The following GPM6B variants were observed in gnomAD, a reference collection of about 807,000 sequenced individuals.
The protein encoded by GPM6B is glycoprotein M6B.
Under a neutral mutation model 27.2 loss-of-function variants are expected in GPM6B, and 4 were observed. That is an observed-to-expected ratio of 0.15 (90% confidence interval 0.07 to 0.34). The LOEUF (loss-of-function observed/expected upper bound fraction) is 0.34, where lower values mean the gene tolerates loss of function less well. GPM6B is among the 10% of genes least tolerant of loss of function. GPM6B has a pLI of 1.00. For synonymous variants in GPM6B, 124 were observed against 103.1 expected (o/e 1.20, Z -1.23); for missense variants, 183 against 261.9 (o/e 0.70, Z 2.08).
At chrX:13,860,560 C>G (rs886299034) in intron 1 of GPM6B, among the ~76,000 whole-genome samples, 1 of 109,308 alleles carries the variant, frequency 9.1e-6, no homozygotes, top group Admixed American at 9.8e-5. Context: ...TACCAGGTAA[C>G]CATTTTTGGC....
intron 1 of GPM6B, among the ~76,000 whole-genome samples, chrX:13,849,973 C>T (rs759723672): frequency 9.0e-6 from 1 of 111,416 alleles, no homozygotes; most frequent in East Asian, 2.8e-4. Context: ...GCAGGAGAAT[C>T]GCTTGAACCT....
At chrX:13,902,032 ATTCC>A (rs756265144) in intron 1 of GPM6B, among the ~76,000 whole-genome samples, 18 of 112,209 alleles carry the variant, frequency 1.6e-4, no homozygotes, top group Non-Finnish European at 2.1e-4. Flanking sequence ...TAAATTCATA[ATTCC>A]TATATGATCA....
At chrX:13,864,348 C>T (rs533489546) in intron 1 of GPM6B, among the ~76,000 whole-genome samples, 4 of 112,699 alleles carry the variant, frequency 3.5e-5, no homozygotes, top group East Asian at 2.8e-4. Context: ...GTAGAAAGCA[C>T]GTTAGGGGGG....
chrX:13,856,328 C>T (rs1180922365), intron 1 of GPM6B, among the ~76,000 whole-genome samples: 1 of 111,156 alleles, frequency 9.0e-6, no homozygotes, highest in Non-Finnish European at 1.9e-5. Context: ...AAAGAGAAGC[C>T]CAGACAATGA....
chrX:13,931,519 T>G (rs985537494), intron 1 of GPM6B, among the ~76,000 whole-genome samples: 2 of 108,541 alleles, frequency 1.8e-5, no homozygotes, highest in Admixed American at 9.7e-5. Flanking sequence ...AAAAGAAAAA[T>G]AAATAAATAA....
chrX:13,920,293 GAAAGAAAGAAAAAA>G (rs1276641220), intron 1 of GPM6B, among the ~76,000 whole-genome samples: 8 of 74,179 alleles, frequency 1.1e-4, no homozygotes, highest in East Asian at 3.8e-4. Flanking sequence ...AAAAAAGAAA[GAAAGAAAGAAAAAA>G]AAAGAAAGAA....
At chrX:13,820,079 C>CT (rs2049290663), upstream of GPM6B, among the ~76,000 whole-genome samples, 1 of 111,535 alleles carries the variant, frequency 9.0e-6, no homozygotes, top group Admixed American at 9.5e-5. Context: ...CTTGCTAGCC[C>CT]TAGAGGCAGT....
chrX:13,780,585 T>C (rs2048498555), intron 4 of GPM6B, among the ~76,000 whole-genome samples: 1 of 111,967 alleles, frequency 8.9e-6, no homozygotes. Flanking sequence ...TAATGCTCGA[T>C]CTATAAAATT....
intron 1 of GPM6B, among the ~76,000 whole-genome samples, chrX:13,812,107 C>T (rs1460864723): frequency 2.1e-5 from 2 of 94,902 alleles, no homozygotes; most frequent in Admixed American, 1.2e-4. Context: ...TGGAGTGCAG[C>T]GGCACTATCT....
intron 1 of GPM6B, among the ~76,000 whole-genome samples, chrX:13,907,380 A>G (rs954633753): frequency 4.4e-5 from 5 of 112,543 alleles, no homozygotes; most frequent in African/African-American, 1.3e-4. Context: ...ACTCTTAACC[A>G]TTTAAAGTTA....
intron 1 of GPM6B, among the ~76,000 whole-genome samples, chrX:13,840,389 C>T (rs2049558117): frequency 9.0e-6 from 1 of 111,437 alleles, no homozygotes; most frequent in African/African-American, 3.3e-5. Flanking sequence ...TTTAGCACGA[C>T]CTCCCTGCCT....
chrX:13,823,171 G>A lies in GPM6B; in HGVS notation c.-197-37363C>T, dbSNP rs182693421. Among the ~76,000 whole-genome samples, 561 of 112,350 alleles carry A rather than the reference G, an allele frequency of 5.0e-3. 3 individuals carry two copies. Among genetic ancestry groups the A allele is most frequent in the Non-Finnish European group, 8.3e-3 (443 of 53,296 alleles). ...TTTATAGGAAATGACACTGCATAAA[G>A]CTAAGACTTGAAAAGACAAATCAAA... On this transcript the variant is annotated intron_variant, in intron 1 of 6. Transcript: ENST00000398361.
intron 7 of GPM6B, chrX:13,773,447 C>G: frequency 8.6e-6 from 1 of 116,136 alleles, no homozygotes; most frequent in Non-Finnish European, 1.8e-5. Context: ...ATCAATTCCC[C>G]CAAAGGCCTA....
chrX:13,868,109 G>T (rs2049938258), intron 1 of GPM6B, among the ~76,000 whole-genome samples: 1 of 111,478 alleles, frequency 9.0e-6, no homozygotes, highest in African/African-American at 3.3e-5. Context: ...ACATTCAGGT[G>T]AAACACCAGA....
chrX:13,803,058 C>A (rs1409645619), intron 2 of GPM6B, among the ~76,000 whole-genome samples: 1 of 111,902 alleles, frequency 8.9e-6, no homozygotes. Flanking sequence ...GGCCTTACAA[C>A]CTTAGGTTAG....
At chrX:13,840,719 CAT>C (rs2049562741) in intron 1 of GPM6B, among the ~76,000 whole-genome samples, 1 of 111,571 alleles carries the variant, frequency 9.0e-6, no homozygotes, top group Non-Finnish European at 1.9e-5. Context: ...AATAGATTCA[CAT>C]GATTCCTCCC....
chrX:13,923,031 C>A lies in GPM6B; in HGVS notation c.-198+15296G>T, dbSNP rs148510637. 2.8e-3 allele frequency among the ~76,000 whole-genome samples: 310 copies of A among 111,600 alleles called. 3 individuals carry two copies. The East Asian group carries it at 0.038, about 14-fold the overall frequency. Reference sequence around the variant, plus strand: ...TTCTACTAAAAATACAAGAAATTAGCCTGGTGTGGTGGTACGCACCTGTAA... The same window carrying A: ...TTCTACTAAAAATACAAGAAATTAGACTGGTGTGGTGGTACGCACCTGTAA... On this transcript the variant is annotated intron_variant, in intron 1 of 6. Transcript: ENST00000398361.
intron 1 of GPM6B, among the ~76,000 whole-genome samples, chrX:13,926,054 C>CAAAAAAAA (rs772441542): frequency 4.0e-5 from 4 of 99,185 alleles, no homozygotes; most frequent in African/African-American, 1.5e-4. Context: ...GACTCCATCT[C>CAAAAAAAA]AAAAAAAAAA....
At chrX:13,830,144 G>T (rs1274362333) in intron 1 of GPM6B, among the ~76,000 whole-genome samples, 1 of 111,945 alleles carries the variant, frequency 8.9e-6, no homozygotes, top group Non-Finnish European at 1.9e-5. Context: ...CATTCATGAT[G>T]TCCCATGAGC....
Sources: allele counts gnomAD v4.1 joint callset (sites outside exome capture counted in the v4.1 genomes callset), GRCh38; gene constraint gnomAD v4.1.1; transcripts MANE v1.5; gene names NCBI Gene and HGNC (gene_info 2026-07-23, HGNC 2026-07-21).